FER: variants seen among roughly 807,000 people sequenced by gnomAD.
The protein encoded by FER is tyrosine-protein kinase Fer.
A neutral mutation model predicts 111.0 loss-of-function variants in FER; 63 were observed. The observed-to-expected ratio is 0.57, with a 90% CI of 0.46 to 0.70. The LOEUF (loss-of-function observed/expected upper bound fraction) is 0.70. Ranked by LOEUF, FER falls within the 30% of genes least tolerant of loss-of-function variation. The pLI, the probability that FER is intolerant of heterozygous loss-of-function variation, is 0.00. For synonymous variants in FER, 327 were observed against 313.9 expected, an observed-to-expected ratio of 1.04 and a Z score of -0.44; for missense variants, 914 against 954.0, an observed-to-expected ratio of 0.96 and a Z score of 0.55.
At chr5:108,763,362 G>T (rs1039222460) in intron 1 of FER, among the ~76,000 whole-genome samples, 1 of 152,110 alleles carries the variant, frequency 6.6e-6, no homozygotes, top group African/African-American at 2.4e-5. Flanking sequence ...AGTTCTCCCT[G>T]CCCCATCTCT....
chr5:108,750,007 T>TA (rs1283591437), intron 1 of FER, among the ~76,000 whole-genome samples: 1 of 152,150 alleles, frequency 6.6e-6, no homozygotes, highest in African/African-American at 2.4e-5. Flanking sequence ...GCCTTATGGT[T>TA]AAAAAAAGAG....
rs561009150 is a variant in FER, at chr5:109,111,298, A to G, written c.2048+10779A>G. On this transcript the variant is annotated intron_variant, in intron 17 of 19. Coordinates refer to ENST00000281092, the MANE Select transcript of FER (RefSeq NM_005246.4). ...TGCTAGTTAACAAAAACAACAGATC[A>G]TGGCTAATTTTTGGAGAATCAATGT... Among the ~76,000 whole-genome samples, 8 of 152,286 alleles carry G rather than the reference A, an allele frequency of 5.3e-5. No homozygotes were observed. In the South Asian group the frequency reaches 1.4e-3, roughly 28 times the overall value.
chr5:108,998,438 G>A lies in FER; in HGVS notation c.1657-38984G>A, dbSNP rs138927045. The stretch of plus-strand genomic sequence containing the variant: ...ACCCCTTGTGCTTCCTGGGTGAGGC[G>A]ACATCCCATCCTTCTTCGGCTCGCC... On this transcript the variant is annotated intron_variant, in intron 13 of 19. Coordinates refer to ENST00000281092, the MANE Select transcript of FER (RefSeq NM_005246.4). Among the ~76,000 whole-genome samples, 389 of 152,206 alleles carry A rather than the reference G, an allele frequency of 2.6e-3. 3 individuals are homozygous for A. Among genetic ancestry groups the A allele is most frequent in the African/African-American group, 9.0e-3 (374 of 41,550 alleles).
intron 16 of FER, among the ~76,000 whole-genome samples, chr5:109,081,174 G>T (rs951382706): frequency 6.6e-6 from 1 of 152,006 alleles, no homozygotes; most frequent in African/African-American, 2.4e-5. Flanking sequence ...CTAATTGCTT[G>T]TAAAGTTGAA....
chr5:108,805,005 T>C (rs555393386), intron 3 of FER, among the ~76,000 whole-genome samples: 1 of 152,180 alleles, frequency 6.6e-6, no homozygotes, highest in Middle Eastern at 3.4e-3. Context: ...TTATTACTGA[T>C]TCAATTTGGA....
chr5:108,943,932 C>G (rs1756617847), intron 10 of FER, among the ~76,000 whole-genome samples: 1 of 152,014 alleles, frequency 6.6e-6, no homozygotes, highest in African/African-American at 2.4e-5. Flanking sequence ...TGGGGTCTCA[C>G]TGTGTTGCCG....
chr5:108,781,798 T>C (rs927875974), intron 2 of FER, among the ~76,000 whole-genome samples: 6 of 152,200 alleles, frequency 3.9e-5, no homozygotes, highest in African/African-American at 1.4e-4. Flanking sequence ...TAGACTCTGA[T>C]AGAACCCCAG....
At chr5:108,794,526 A>ACCCCCCCCCCCCCCC (rs138716410) in intron 2 of FER, among the ~76,000 whole-genome samples, 4 of 106,352 alleles carry the variant, frequency 3.8e-5, no homozygotes, top group African/African-American at 7.5e-5. Context: ...CCCCCTCCGC[A>ACCCCCCCCCCCCCCC]CCCCCCCCCC....
intron 13 of FER, among the ~76,000 whole-genome samples, chr5:108,977,894 G>A (rs2149713834): frequency 6.6e-6 from 1 of 152,182 alleles, no homozygotes; most frequent in Admixed American, 6.5e-5. Context: ...TCACCCAGCT[G>A]GAGTGCAGTG....
chr5:108,867,865 C>T lies in FER; in HGVS notation c.580C>T (p.Leu194Phe), dbSNP rs1299966564. ...TGTATTGGCGTTGAAAGGGGCACAG[C>T]TCCATCAGAATCAGTATTATGATAT... ...QYVLALKGAQLHQNQYYDITL... is the reference protein window; with the variant it reads ...QYVLALKGAQFHQNQYYDITL... Residue 194 changes from leucine to phenylalanine, a missense_variant, in exon 6 of 20, where the codon CTC (leucine) becomes TTC (phenylalanine). Transcript: ENST00000281092. 1.9e-6 allele frequency: 3 copies of T among 1,612,994 alleles called. No individual in the cohort carries two copies. In the African/African-American group the frequency reaches 4.0e-5, roughly 22 times the overall value.
chr5:109,004,724 T>G (rs954766215), intron 13 of FER, among the ~76,000 whole-genome samples: 2 of 152,280 alleles, frequency 1.3e-5, no homozygotes, highest in Non-Finnish European at 2.9e-5. Flanking sequence ...TCTATTATAA[T>G]GTACTACTGT....
intron 17 of FER, among the ~76,000 whole-genome samples, chr5:109,164,562 C>G (rs1255531945): frequency 1.3e-5 from 2 of 152,118 alleles, no homozygotes; most frequent in Non-Finnish European, 2.9e-5. Flanking sequence ...TATTCTTGCT[C>G]TTAACTATGT....
chr5:108,952,468 G>GT (rs1313541578), intron 11 of FER, among the ~76,000 whole-genome samples: 3 of 150,436 alleles, frequency 2.0e-5, no homozygotes, highest in African/African-American at 7.5e-5. Flanking sequence ...TTTTCCCTGT[G>GT]TATGTGTGTA....
chr5:109,063,057 A>G (rs572060773), intron 16 of FER, among the ~76,000 whole-genome samples: 5 of 152,258 alleles, frequency 3.3e-5, no homozygotes, highest in African/African-American at 1.2e-4. Flanking sequence ...CATTTGGTTT[A>G]TTTTAGGCTT....
intron 17 of FER, among the ~76,000 whole-genome samples, chr5:109,102,654 T>C (rs570152551): frequency 6.6e-6 from 1 of 152,346 alleles, no homozygotes; most frequent in East Asian, 1.9e-4. Context: ...TTAATCACTT[T>C]CATTTAATTC....
chr5:108,945,026 A>G (rs747602626), intron 10 of FER, among the ~76,000 whole-genome samples: 1 of 152,124 alleles, frequency 6.6e-6, no homozygotes, highest in Non-Finnish European at 1.5e-5. Context: ...TTTTGTTTTG[A>G]TATTACCAAA....
intron 17 of FER, among the ~76,000 whole-genome samples, chr5:109,170,704 G>T (rs1757012745): frequency 6.6e-6 from 1 of 152,180 alleles, no homozygotes; most frequent in African/African-American, 2.4e-5. Context: ...ACTCAGCAAA[G>T]GCAAGCTAGA....
intron 2 of FER, among the ~76,000 whole-genome samples, chr5:108,779,317 T>A (rs1279671795): frequency 6.6e-6 from 1 of 152,144 alleles, no homozygotes; most frequent in East Asian, 1.9e-4. Flanking sequence ...TATTTACTGA[T>A]CTACACAAAA....
chr5:109,179,392 T>TGTTGA (rs144926801), intron 17 of FER, among the ~76,000 whole-genome samples: 19,192 of 152,150 alleles, frequency 0.13, 1,240 homozygotes, highest in Middle Eastern at 0.18. Flanking sequence ...ATTTCTAGAT[T>TGTTGA]GTTTTACCAA....
Sources: allele counts gnomAD v4.1 joint callset (sites outside exome capture counted in the v4.1 genomes callset), GRCh38; gene constraint gnomAD v4.1.1; transcripts MANE v1.5; gene names NCBI Gene and HGNC (gene_info 2026-07-23, HGNC 2026-07-21).